The following EHBP1 variants were observed in gnomAD, a reference collection of about 807,000 sequenced individuals.
EHBP1 encodes EH domain binding protein 1, also known as EH domain-binding protein 1.
In EHBP1, 55 loss-of-function variants were observed where a neutral mutation model predicts 144.0. That is an observed-to-expected ratio of 0.38 (90% CI 0.31 to 0.48). The LOEUF (loss-of-function observed/expected upper bound fraction) is 0.48. EHBP1 is among the 20% of genes least tolerant of loss of function. The pLI is 0.98. For synonymous variants in EHBP1, 469 were observed against 472.7 expected (o/e 0.99, Z 0.10); for missense variants, 1,200 against 1,364.2 (o/e 0.88, Z 1.90).
At chr2:63,009,684 A>C (rs528854594) in intron 19 of EHBP1, among the ~76,000 whole-genome samples, 2 of 151,590 alleles carry the variant, frequency 1.3e-5, no homozygotes, top group Non-Finnish European at 3.0e-5. Context: ...ATGAAGTTCT[A>C]TTACTGTTAG....
chr2:63,005,103 T>C (rs1049864469), intron 19 of EHBP1, among the ~76,000 whole-genome samples: 11 of 152,148 alleles, frequency 7.2e-5, no homozygotes, highest in Non-Finnish European at 1.5e-5. Context: ...GTTCCTGATA[T>C]GAATCTCCTT....
At chr2:62,854,663 A>G (rs891683102) in intron 7 of EHBP1, among the ~76,000 whole-genome samples, 2 of 152,220 alleles carry the variant, frequency 1.3e-5, no homozygotes, top group African/African-American at 4.8e-5. Context: ...GGTGCATTGC[A>G]GCCCAGAACA....
chr2:62,920,158 A>G (rs1036360113), intron 10 of EHBP1, among the ~76,000 whole-genome samples: 2 of 152,194 alleles, frequency 1.3e-5, no homozygotes, highest in Non-Finnish European at 2.9e-5. Flanking sequence ...ATGAACTCAA[A>G]AAGTCCTACA....
chr2:62,911,070 T>C (rs2054177220), intron 10 of EHBP1, among the ~76,000 whole-genome samples: 1 of 152,150 alleles, frequency 6.6e-6, no homozygotes, highest in South Asian at 2.1e-4. Context: ...GCAGAGAGAA[T>C]TATTTTTCTG....
intron 1 of EHBP1, among the ~76,000 whole-genome samples, chr2:62,681,361 A>ATATATATATATATATCTATATATAT (rs2033519955): frequency 6.9e-5 from 1 of 14,530 alleles, no homozygotes; most frequent in Non-Finnish European, 1.2e-4. Context: ...TATATATATA[A>ATATATATATATATATCTATATATAT]TGTGTATATA....
At chr2:62,840,676 G>C (rs1361047442) in intron 7 of EHBP1, among the ~76,000 whole-genome samples, 1 of 151,172 alleles carries the variant, frequency 6.6e-6, no homozygotes, top group Non-Finnish European at 1.5e-5. Context: ...AAAAGTGGGC[G>C]AAGGACATGA....
intron 19 of EHBP1, among the ~76,000 whole-genome samples, chr2:63,036,061 A>T (rs1441333060): frequency 6.6e-6 from 1 of 152,090 alleles, no homozygotes; most frequent in Admixed American, 6.6e-5. Flanking sequence ...CCCTACTGGT[A>T]AACAACAGCT....
intron 9 of EHBP1, among the ~76,000 whole-genome samples, chr2:62,867,694 AT>A (rs1157117430): frequency 1.3e-5 from 2 of 152,222 alleles, no homozygotes; most frequent in African/African-American, 4.8e-5. Flanking sequence ...TTTTAAAAAA[AT>A]AATTTGTCAG....
At chr2:62,869,143 C>T (rs1052531855) in intron 9 of EHBP1, among the ~76,000 whole-genome samples, 3 of 152,086 alleles carry the variant, frequency 2.0e-5, no homozygotes, top group Admixed American at 2.0e-4. Context: ...ACAAGACTGA[C>T]TATACCAAGT....
At chr2:62,895,278 TATC>T (rs10700628) in intron 10 of EHBP1, among the ~76,000 whole-genome samples, 12,366 of 149,664 alleles carry the variant, frequency 0.083, 561 homozygotes, top group African/African-American at 0.12. Context: ...ATGTAAATTC[TATC>T]ATCATCATCA....
At chr2:62,940,164 A>G in intron 10 of EHBP1, 1 of 389,950 alleles carries the variant, frequency 2.6e-6, no homozygotes, top group Non-Finnish European at 5.0e-6. Flanking sequence ...ACATGGAATC[A>G]CTCCCAGAAG....
At chr2:63,021,794 T>C (rs1182867704) in intron 19 of EHBP1, among the ~76,000 whole-genome samples, 1 of 150,906 alleles carries the variant, frequency 6.6e-6, no homozygotes, top group Admixed American at 6.6e-5. Context: ...TAAAACGGAG[T>C]CTCACACTGT....
chr2:62,903,706 C>T (rs2053582744), intron 10 of EHBP1, among the ~76,000 whole-genome samples: 1 of 152,072 alleles, frequency 6.6e-6, no homozygotes, highest in Non-Finnish European at 1.5e-5. Flanking sequence ...GTCAGGGCTG[C>T]AGTGAACCAT....
intron 10 of EHBP1, among the ~76,000 whole-genome samples, chr2:62,929,990 T>A (rs1254306993): frequency 2.0e-5 from 3 of 152,226 alleles, no homozygotes; most frequent in Admixed American, 1.3e-4. Flanking sequence ...CTAACACCTG[T>A]AATCCTAGCA....
rs2056912831 is a variant in EHBP1 at position 62,943,837 on chromosome 2, A to G, written c.1400A>G (p.Glu467Gly). Residue 467 changes from glutamate to glycine, a missense_variant, in exon 12 of 23, where the codon GAG (glutamate) becomes GGG (glycine). By Grantham distance (98) the Glu-to-Gly change is moderately conservative. Around this residue, in one of 6 missense-constraint regions of EHBP1, gnomAD observed 94 missense variants for 143.0 expected, o/e 0.66. Transcript: ENST00000431489. Reference protein sequence around the residue: ...YKSLNPQDIKENNKKAYDGFA... With the variant: ...YKSLNPQDIKGNNKKAYDGFA... The stretch of plus-strand genomic sequence containing the variant: ...TCTCTGAATCCTCAAGATATTAAAG[A>G]GAACAACAAAAAGGTAAGAATTGAT... The G allele has an allele frequency of 6.2e-7, 1 of 1,605,720 alleles. No homozygotes were observed. Among genetic ancestry groups the G allele is most frequent in the African/African-American group, 1.3e-5 (1 of 74,584 alleles).
intron 19 of EHBP1, among the ~76,000 whole-genome samples, chr2:63,004,970 G>A (rs1047611782): frequency 2.6e-5 from 4 of 151,996 alleles, no homozygotes; most frequent in Admixed American, 6.6e-5. Flanking sequence ...GAAGCAGGTG[G>A]TCCACAGAGT....
intron 6 of EHBP1, among the ~76,000 whole-genome samples, chr2:62,830,728 A>G (rs1048752389): frequency 2.0e-5 from 3 of 152,174 alleles, no homozygotes; most frequent in African/African-American, 7.2e-5. Context: ...GCCAATGTCT[A>G]GAAGATTTTT....
chr2:62,898,044 A>G (rs2053085059), intron 10 of EHBP1, among the ~76,000 whole-genome samples: 2 of 152,192 alleles, frequency 1.3e-5, no homozygotes, highest in Non-Finnish European at 2.9e-5. Flanking sequence ...CTAATGGAAC[A>G]AAAAAGGCGG....
intron 10 of EHBP1, among the ~76,000 whole-genome samples, chr2:62,876,869 G>T (rs569917115): frequency 6.6e-6 from 1 of 152,114 alleles, no homozygotes; most frequent in Non-Finnish European, 1.5e-5. Flanking sequence ...ATTACGATTC[G>T]ACATAAGATT....
Sources: gnomAD v4.1 joint callset for allele counts (sites outside exome capture counted in the v4.1 genomes callset) on GRCh38, gnomAD v4.1.1 for gene constraint, gnomAD v4.1.1 regional missense constraint, MANE v1.5 for transcripts, NCBI Gene and HGNC (gene_info 2026-07-23, HGNC 2026-07-21) for gene names.